The following RNF212 variants were observed in gnomAD, a reference collection of about 807,000 sequenced individuals.
RNF212 encodes probable E3 SUMO-protein ligase RNF212.
A neutral mutation model predicts 34.7 loss-of-function variants in RNF212; 33 were observed. The observed-to-expected ratio is 0.95, with a 90% CI of 0.72 to 1.27. The LOEUF (loss-of-function observed/expected upper bound fraction) is 1.27, where lower values mean the gene tolerates loss of function less well. Ranked by LOEUF, RNF212 falls within the 50% of genes most tolerant of loss-of-function variation. The pLI is 0.00. For synonymous variants in RNF212, 140 were observed against 136.1 expected (o/e 1.03, Z -0.20); for missense variants, 377 against 362.2 (o/e 1.04, Z -0.33).
downstream of RNF212, among the ~76,000 whole-genome samples, chr4:1,068,786 G>T (rs1222826853): frequency 6.6e-6 from 1 of 152,162 alleles, no homozygotes; most frequent in Non-Finnish European, 1.5e-5. Context: ...AATGTATTTA[G>T]TCTTCATTTT....
chr4:1,102,674 A>G (rs1361676978), intron 2 of RNF212, among the ~76,000 whole-genome samples: 1 of 151,550 alleles, frequency 6.6e-6, no homozygotes, highest in African/African-American at 2.4e-5. Context: ...AACATGGTGA[A>G]ACCCCGTCTC....
chr4:1,081,825 C>A, intron 5 of RNF212: 1 of 564,036 alleles, frequency 1.8e-6, no homozygotes, highest in Admixed American at 3.1e-5. Flanking sequence ...GCCAAGTGAA[C>A]TCAACACCCC....
chr4:1,060,810 C>G (rs1042723941), intron 3 of RNF212, among the ~76,000 whole-genome samples: 3 of 152,256 alleles, frequency 2.0e-5, no homozygotes, highest in Admixed American at 1.3e-4. Flanking sequence ...CAGCCCCACA[C>G]ACTGCTCAGT....
At chr4:1,106,082 A>G (rs994529170) in intron 2 of RNF212, among the ~76,000 whole-genome samples, 1 of 152,214 alleles carries the variant, frequency 6.6e-6, no homozygotes, top group Non-Finnish European at 1.5e-5. Context: ...GGCTCTAGGA[A>G]GCCAGAGTGA....
chr4:1,076,598 G>A (rs1443851318), intron 8 of RNF212, among the ~76,000 whole-genome samples: 1 of 152,214 alleles, frequency 6.6e-6, no homozygotes, highest in Non-Finnish European at 1.5e-5. Context: ...CTCAGGCTGA[G>A]GGTTACCAGG....
intron 8 of RNF212, among the ~76,000 whole-genome samples, chr4:1,078,539 G>A (rs1457955590): frequency 6.6e-6 from 1 of 152,202 alleles, no homozygotes; most frequent in Non-Finnish European, 1.5e-5. Flanking sequence ...CTGTTTCCCA[G>A]AGTCCTTGGC....
At chr4:1,086,059 T>C in intron 4 of RNF212, 105 bp from the exon 5 acceptor site, 3 of 842,830 alleles carry the variant, frequency 3.6e-6, no homozygotes, top group Admixed American at 1.8e-5. Flanking sequence ...TTACTCTGCA[T>C]GGAGTTGCCC....
intron 3 of RNF212, among the ~76,000 whole-genome samples, chr4:1,061,836 C>T (rs1325663455): frequency 1.3e-5 from 2 of 152,224 alleles, no homozygotes; most frequent in South Asian, 2.1e-4. Context: ...ATACAAGAAT[C>T]CAGACTTGCT....
chr4:1,078,791 AGGACCGACATG>A (rs1719759856), intron 8 of RNF212, among the ~76,000 whole-genome samples: 1 of 152,096 alleles, frequency 6.6e-6, no homozygotes, highest in African/African-American at 2.4e-5. Flanking sequence ...GGGTCAACAC[AGGACCGACATG>A]GGACCAACAC....
intron 8 of RNF212, among the ~76,000 whole-genome samples, chr4:1,073,986 G>A (rs1215772412): frequency 6.6e-6 from 1 of 152,172 alleles, no homozygotes; most frequent in Non-Finnish European, 1.5e-5. Context: ...GTTAGAGAAT[G>A]TGAAATTCTG....
rs981390586 is a variant in RNF212 at position 1,056,911 on chromosome 4, G to A, written n.221-408C>T. The stretch of plus-strand genomic sequence containing the variant: ...GGGGCAGCCTGGCCTGGGAGCCCCC[G>A]AAGCTTGGAGAGTCCCCTCTTCCTG... On this transcript the variant is annotated intron_variant and non_coding_transcript_variant, in intron 4 of 4. Coordinates refer to the RNF212 transcript ENST00000503206. The A allele has an allele frequency of 2.1e-5, 21 of 987,860 alleles. No individual in the cohort carries two copies. The South Asian group carries it at 5.1e-4, about 24-fold the overall frequency. 61.2% of individuals were successfully genotyped at this position (987,860 alleles called of 1,614,324 possible). A position where few individuals can be genotyped will look rare whatever the true frequency, so the allele number is the denominator to read the frequency against.
chr4:1,094,366 G>A (rs1381312954), intron 3 of RNF212, among the ~76,000 whole-genome samples: 4 of 152,354 alleles, frequency 2.6e-5, no homozygotes, highest in Admixed American at 1.3e-4. Flanking sequence ...TCAGCATGTG[G>A]GGGTGGGCAC....
intron 3 of RNF212, chr4:1,093,681 C>A: frequency 6.5e-7 from 1 of 1,536,146 alleles, no homozygotes; most frequent in Non-Finnish European, 8.7e-7. Context: ...CACCCTGGAG[C>A]GCACGGCCTG....
At chr4:1,076,765 C>T (rs1344987777) in intron 8 of RNF212, among the ~76,000 whole-genome samples, 1 of 152,172 alleles carries the variant, frequency 6.6e-6, no homozygotes, top group African/African-American at 2.4e-5. Flanking sequence ...TGGTGTGGCA[C>T]AGGGGTTGGC....
At position 1,108,403 on chromosome 4, in the gene RNF212, A is replaced by G. The variant is rs938298168; in HGVS notation, c.111T>C (p.Gly37=). The change falls in exon 2 of 10, where the codon GGT becomes GGC. Residue 37 remains glycine, a splice_region_variant and synonymous_variant. Coordinates refer to ENST00000433731, the MANE Select transcript of RNF212 (RefSeq NM_001131034.4). The stretch of plus-strand genomic sequence containing the variant: ...TACAAATCAAGCATTCATTCTTTTT[A>G]CCTATAAAATAAAAATAGGCTTTAT... The part of the protein sequence containing the change: ...HVYCDACLGK[G]KKNECLICKA... 3 of 1,483,936 alleles carry G rather than the reference A, an allele frequency of 2.0e-6. No individual in the cohort carries two copies. The highest frequency in any genetic ancestry group is 2.8e-5 in the Admixed American group (1 of 36,218). The allele number at this position is 1,483,936 out of a possible 1,614,324, so 91.9% of individuals were successfully genotyped here. A position where few individuals can be genotyped will look rare whatever the true frequency, so the allele number is the denominator to read the frequency against.
At chr4:1,108,470 G>A in intron 1 of RNF212, 66 bp from the exon 2 acceptor site, 2 of 775,552 alleles carry the variant, frequency 2.6e-6, no homozygotes, top group African/African-American at 1.8e-5. Flanking sequence ...TATACATGCA[G>A]ACTTTACAAT....
At chr4:1,082,848 C>T (rs756940734) in intron 5 of RNF212, among the ~76,000 whole-genome samples, 33 of 152,212 alleles carry the variant, frequency 2.2e-4, no homozygotes, top group Non-Finnish European at 2.9e-4. Flanking sequence ...GAGCCTTCTG[C>T]GTCTGGCAGG....
At position 1,113,541 on chromosome 4, in the gene RNF212, G is replaced by C. The variant is rs1007981029; in HGVS notation, c.-77C>G. On this transcript the variant is annotated 5_prime_UTR_variant, in exon 1 of 10. Coordinates refer to ENST00000433731, the MANE Select transcript of RNF212 (RefSeq NM_001131034.4). ...AGGTTGGGACCAGCCTCCCCGCGCA[G>C]GGCCCGAAGGCGGGCAGCTCTGCGC... The C allele has an allele frequency of 1.5e-5, 19 of 1,236,264 alleles. No individual in the cohort carries two copies. Among genetic ancestry groups the C allele is most frequent in the African/African-American group, 3.1e-5 (2 of 64,358 alleles). The allele number at this position is 1,236,264 out of a possible 1,614,324, so 76.6% of individuals were successfully genotyped here. A position where few individuals can be genotyped will look rare whatever the true frequency, so the allele number is the denominator to read the frequency against.
intron 3 of RNF212, chr4:1,093,491 G>A: frequency 8.1e-6 from 12 of 1,487,422 alleles, no homozygotes; most frequent in Middle Eastern, 1.7e-4. Context: ...CACCTCCACA[G>A]TGTAACTGAC....
Sources: gnomAD v4.1 joint callset for allele counts (sites outside exome capture counted in the v4.1 genomes callset) on GRCh38, gnomAD v4.1.1 for gene constraint, MANE v1.5 for transcripts, NCBI Gene and HGNC (gene_info 2026-07-23, HGNC 2026-07-21) for gene names.